The following PUDP variants were observed in gnomAD, a reference collection of about 807,000 sequenced individuals.
PUDP encodes pseudouridine 5'-phosphatase.
Under a neutral mutation model 9.4 loss-of-function variants are expected in PUDP, and 8 were observed. The ratio of observed to expected loss-of-function variants is 0.85; its 90% CI spans 0.50 to 1.53. The LOEUF is 1.53. PUDP is among the 40% of genes most tolerant of loss of function. PUDP has a pLI of 0.00. For missense variants in PUDP, 188 were observed against 189.7 expected (o/e 0.99, Z 0.05); for synonymous variants, 99 against 80.7 (o/e 1.23, Z -1.22).
rs746628051 is a variant in PUDP at position 7,001,692 on chromosome X, G to A, written c.205-23349C>T. 6.3e-5 allele frequency among the ~76,000 whole-genome samples: 7 copies of A among 111,152 alleles called. No homozygotes were observed. In the South Asian group the frequency reaches 1.9e-3, roughly 30 times the overall value. ...AGTCCCTTGAATTTTCATGTATAAC[G>A]GAAAGAGATTTTCTGATGTGTGGGA... On this transcript the variant is annotated intron_variant and NMD_transcript_variant, in intron 1 of 3. Coordinates refer to the PUDP transcript ENST00000655425.
chrX:7,038,393 A>G (rs1929880648), intron 1 of PUDP, among the ~76,000 whole-genome samples: 1 of 112,457 alleles, frequency 8.9e-6, no homozygotes, highest in South Asian at 3.7e-4. Context: ...GATTTGTTGT[A>G]TAAATCACCT....
At chrX:7,053,502 G>C (rs1472414338) in intron 3 of PUDP, among the ~76,000 whole-genome samples, 2 of 111,696 alleles carry the variant, frequency 1.8e-5, no homozygotes, top group African/African-American at 6.5e-5. Context: ...TAGTGAATAA[G>C]TCTCACAAGA....
chrX:6,784,014 A>G (rs1925606918), intron 3 of PUDP, among the ~76,000 whole-genome samples: 1 of 111,525 alleles, frequency 9.0e-6, no homozygotes, highest in Non-Finnish European at 1.9e-5. Flanking sequence ...GCCCATCTAC[A>G]TAAGTGAGGA....
At chrX:7,147,015 G>A (rs1187747227) in intron 1 of PUDP, among the ~76,000 whole-genome samples, 1 of 110,704 alleles carries the variant, frequency 9.0e-6, no homozygotes, top group African/African-American at 3.3e-5. Flanking sequence ...TGTTAACTGT[G>A]TCAAGGCTTT....
intron 2 of PUDP, among the ~76,000 whole-genome samples, chrX:7,104,816 G>A (rs1206384812): frequency 8.9e-6 from 1 of 112,064 alleles, no homozygotes; most frequent in African/African-American, 3.2e-5. Flanking sequence ...TTGGACATAT[G>A]TATAAATATA....
chrX:6,844,313 A>G (rs755246037), intron 3 of PUDP, among the ~76,000 whole-genome samples: 1 of 113,025 alleles, frequency 8.8e-6, no homozygotes, highest in Admixed American at 9.3e-5. Context: ...CATATAACAT[A>G]TTCACAGGTT....
At chrX:6,796,509 C>G (rs1383232277) in intron 3 of PUDP, among the ~76,000 whole-genome samples, 4 of 112,117 alleles carry the variant, frequency 3.6e-5, no homozygotes, top group Non-Finnish European at 7.5e-5. Flanking sequence ...TTGAATACTT[C>G]CACAAAACTA....
intron 3 of PUDP, among the ~76,000 whole-genome samples, chrX:6,767,413 G>T (rs766967049): frequency 1.6e-4 from 18 of 112,601 alleles, no homozygotes; most frequent in African/African-American, 5.8e-4. Context: ...CTCACAGAAG[G>T]GGAGCTGCTT....
intron 1 of PUDP, among the ~76,000 whole-genome samples, chrX:7,034,591 C>T (rs1177975901): frequency 8.9e-6 from 1 of 111,889 alleles, no homozygotes; most frequent in East Asian, 2.8e-4. Context: ...CAAATCTGTT[C>T]ATCCATGCAT....
rs776131007 is a variant in PUDP at position 6,751,081 on chromosome X, G to T, written c.*248-44615C>A. On this transcript the variant is annotated intron_variant and NMD_transcript_variant, in intron 3 of 3. Transcript: ENST00000655425. ...GGTGTGAACCGGGGAGGCGGAGCTT[G>T]CAGTGAGCCAAGATTGTGCCACTGC... 3.4e-3 allele frequency among the ~76,000 whole-genome samples: 369 copies of T among 109,847 alleles called. 2 individuals are homozygous for T. Among genetic ancestry groups the T allele is most frequent in the African/African-American group, 0.012 (352 of 30,086 alleles).
chrX:7,121,160 T>C (rs1378486172), intron 1 of PUDP, among the ~76,000 whole-genome samples: 2 of 111,819 alleles, frequency 1.8e-5, no homozygotes, highest in African/African-American at 3.3e-5. Flanking sequence ...GAAAAACTTA[T>C]TAGGTTGGGA....
At chrX:7,036,428 C>T (rs1260461431) in intron 1 of PUDP, among the ~76,000 whole-genome samples, 1 of 111,861 alleles carries the variant, frequency 8.9e-6, no homozygotes, top group Admixed American at 9.5e-5. Flanking sequence ...AGGAATTTCA[C>T]CTTGAATTGT....
chrX:6,999,964 G>T (rs931789605), intron 1 of PUDP, among the ~76,000 whole-genome samples: 4 of 110,593 alleles, frequency 3.6e-5, no homozygotes, highest in African/African-American at 1.3e-4. Context: ...GTAGAGATTC[G>T]AGGTGAAAAT....
intron 3 of PUDP, among the ~76,000 whole-genome samples, chrX:6,898,006 G>A (rs1175366641): frequency 8.9e-6 from 1 of 112,345 alleles, no homozygotes; most frequent in Non-Finnish European, 1.9e-5. Context: ...AGTACTTCAC[G>A]CATAGTAGGT....
chrX:7,095,180 G>A (rs1268692105), intron 2 of PUDP, among the ~76,000 whole-genome samples: 3 of 112,467 alleles, frequency 2.7e-5, no homozygotes, highest in Non-Finnish European at 3.8e-5. Flanking sequence ...GTAGAGCGCC[G>A]TGGCTAAGAG....
intron 1 of PUDP, among the ~76,000 whole-genome samples, chrX:7,021,558 T>C (rs746565403): frequency 1.8e-5 from 2 of 112,473 alleles, no homozygotes; most frequent in African/African-American, 3.2e-5. Flanking sequence ...AAGTTTGTTG[T>C]TGCAAATTTG....
At chrX:6,916,414 T>TTG (rs1927936214) in intron 3 of PUDP, among the ~76,000 whole-genome samples, 1 of 108,417 alleles carries the variant, frequency 9.2e-6, no homozygotes, top group African/African-American at 3.4e-5. Flanking sequence ...ATCCCCAGTT[T>TTG]TTTTTTTTTT....
At chrX:6,967,290 T>C (rs1044021485) in intron 3 of PUDP, among the ~76,000 whole-genome samples, 3 of 111,852 alleles carry the variant, frequency 2.7e-5, no homozygotes, top group African/African-American at 9.8e-5. Context: ...CTTTCCATCC[T>C]GGCCCTCACC....
chrX:6,898,451 A>G (rs1263763030), intron 3 of PUDP, among the ~76,000 whole-genome samples: 1 of 112,458 alleles, frequency 8.9e-6, no homozygotes, highest in Non-Finnish European at 1.9e-5. Context: ...CCCAGTTATT[A>G]TTGGAAGGCC....
Sources: allele counts gnomAD v4.1 joint callset (sites outside exome capture counted in the v4.1 genomes callset), GRCh38; gene constraint gnomAD v4.1.1; transcripts MANE v1.5; gene names NCBI Gene and HGNC (gene_info 2026-07-23, HGNC 2026-07-21).